Variants in RNASEH1 observed in about 807,000 individuals in gnomAD.
RNASEH1 encodes the protein ribonuclease H type II.
A neutral mutation model predicts 34.6 loss-of-function variants in RNASEH1; 27 were observed. That is an observed-to-expected ratio of 0.78 (90% confidence interval 0.58 to 1.08). The LOEUF (loss-of-function observed/expected upper bound fraction) is 1.08, where lower values mean the gene tolerates loss of function less well. RNASEH1 is among the 50% of genes least tolerant of loss of function. RNASEH1 has a pLI of 0.00. For synonymous variants in RNASEH1, 162 were observed against 138.4 expected, an observed-to-expected ratio of 1.17 and a Z score of -1.20; for missense variants, 349 against 373.6, an observed-to-expected ratio of 0.93 and a Z score of 0.54.
At chr2:3,538,365 A>AT (rs1558440369), downstream of RNASEH1, among the ~76,000 whole-genome samples, 1 of 151,208 alleles carries the variant, frequency 6.6e-6, no homozygotes, top group African/African-American at 2.4e-5. Flanking sequence ...AAAAATATAT[A>AT]TAATATATAT....
chr2:3,547,654 A>AT (rs1192492359), intron 7 of RNASEH1, among the ~76,000 whole-genome samples: 1 of 151,728 alleles, frequency 6.6e-6, no homozygotes, highest in Non-Finnish European at 1.5e-5. Flanking sequence ...TGCCCGGCTA[A>AT]TTTTTGTATT....
In RNASEH1 at chr2:3,547,988, G is replaced by C. The variant is rs747752945; in HGVS notation, c.717C>G (p.Ile239Met). 1 of 1,613,498 alleles carries C rather than the reference G, an allele frequency of 6.2e-7. No individual in the cohort carries two copies. The highest frequency in any genetic ancestry group is 2.2e-5 in the East Asian group (1 of 44,844). ...CCAGTGCCACAAAGTCCTCTTTGTT[G>C]ATCACCTCTTTCCCTGCACTTGTCT... ...GWKTSAGKEV[I>M]NKEDFVALER... Residue 239 changes from isoleucine to methionine, a missense_variant, in exon 7 of 8, where the codon ATC becomes ATG. By Grantham distance (10) the Ile-to-Met change is conservative. Transcript: ENST00000315212.
intron 2 of RNASEH1, among the ~76,000 whole-genome samples, chr2:3,554,179 TGGC>T: frequency 6.6e-6 from 1 of 152,378 alleles, no homozygotes; most frequent in African/African-American, 2.4e-5. Context: ...CAGCAACAGC[TGGC>T]GTTTCCACTG....
In RNASEH1 at chr2:3,558,331, A is replaced by C; in HGVS notation, c.-71T>G. On this transcript the variant is annotated 5_prime_UTR_variant, in exon 1 of 8. Coordinates refer to ENST00000315212, the MANE Select transcript of RNASEH1 (RefSeq NM_002936.6). The stretch of plus-strand genomic sequence containing the variant: ...TGGGCGCGAGCCGCCGGCGCTCAAC[A>C]CCGCACTTCCGTCACCGGCGCGGGA... 6.9e-7 allele frequency: 1 copy of C among 1,442,096 alleles called. No individual in the cohort carries two copies. Among genetic ancestry groups the C allele is most frequent in the Non-Finnish European group, 9.1e-7 (1 of 1,099,100 alleles). The allele number at this position is 1,442,096 out of a possible 1,614,324, so 89.3% of individuals were successfully genotyped here.
chr2:3,552,612 C>T (rs1229079916), intron 2 of RNASEH1, among the ~76,000 whole-genome samples: 1 of 134,616 alleles, frequency 7.4e-6, no homozygotes, highest in Non-Finnish European at 1.6e-5. Flanking sequence ...CTCCACACCA[C>T]CTCCACCCCC....
chr2:3,554,267 G>C (rs970764182), intron 2 of RNASEH1, among the ~76,000 whole-genome samples: 1 of 152,092 alleles, frequency 6.6e-6, no homozygotes, highest in Non-Finnish European at 1.5e-5. Flanking sequence ...CAGATACTGT[G>C]GTCCAGGTTA....
At chr2:3,549,686 T>C (rs1265542813) in intron 4 of RNASEH1, among the ~76,000 whole-genome samples, 1 of 150,708 alleles carries the variant, frequency 6.6e-6, no homozygotes, top group African/African-American at 2.4e-5. Flanking sequence ...TCATCTCTAC[T>C]GAAAAAAGGA....
intron 7 of RNASEH1, among the ~76,000 whole-genome samples, chr2:3,547,175 G>A (rs1335900568): frequency 6.6e-6 from 1 of 152,122 alleles, no homozygotes; most frequent in Non-Finnish European, 1.5e-5. Flanking sequence ...GTGTATGTGG[G>A]TGGGTTTGTT....
chr2:3,532,318 A>G, the RNASEH1 span: 1 of 702,250 alleles, frequency 1.4e-6, no homozygotes, highest in South Asian at 1.5e-5. Context: ...ATGCTGTGGG[A>G]ACAAGAAATA....
downstream of RNASEH1, chr2:3,536,616 A>C (rs1051846663): frequency 2.6e-5 from 4 of 152,396 alleles, no homozygotes; most frequent in Middle Eastern, 3.4e-3. Flanking sequence ...TTTGAGCCCC[A>C]TCTCTCTCCT....
chr2:3,536,196 A>G, the RNASEH1 span, among the ~76,000 whole-genome samples: 1 of 152,254 alleles, frequency 6.6e-6, no homozygotes, highest in African/African-American at 2.4e-5. Flanking sequence ...CATTGCACTC[A>G]CAGAGTAGAG....
At chr2:3,539,589 C>T (rs1668181356), downstream of RNASEH1, among the ~76,000 whole-genome samples, 3 of 152,100 alleles carry the variant, frequency 2.0e-5, no homozygotes, top group African/African-American at 7.2e-5. Context: ...ATGCAGCCGG[C>T]CCTCCCCATG....
At chr2:3,533,828 G>T in the RNASEH1 span, 1 of 152,278 alleles carries the variant, frequency 6.6e-6, no homozygotes, top group Admixed American at 6.5e-5. Flanking sequence ...ATGACGACTG[G>T]ATAAGCGAAG....
At position 3,558,303 on chromosome 2, in the gene RNASEH1, G is replaced by A. The variant is rs1353277636; in HGVS notation, c.-43C>T. 1.1e-5 allele frequency: 17 copies of A among 1,489,444 alleles called. No individual in the cohort carries two copies. Among genetic ancestry groups the A allele is most frequent in the African/African-American group, 2.9e-5 (2 of 69,016 alleles). 92.3% of individuals were successfully genotyped at this position (1,489,444 alleles called of 1,614,324 possible). A position where few individuals can be genotyped will look rare whatever the true frequency, so the allele number is the denominator to read the frequency against. On this transcript the variant is annotated 5_prime_UTR_variant, in exon 1 of 8. Transcript: ENST00000315212. ...GGGAAGCATTTCGACTCCCGGCCCA[G>A]CGTGGGCGCGAGCCGCCGGCGCTCA...
rs914670159 is a variant in RNASEH1, at chr2:3,556,093, G to T, written c.244+696C>A. Among the ~76,000 whole-genome samples the T allele has an allele frequency of 2.6e-5, 4 of 152,094 alleles. No homozygotes were observed. In the South Asian group the frequency reaches 6.2e-4, roughly 24 times the overall value. On this transcript the variant is annotated intron_variant, in intron 2 of 7. Coordinates refer to ENST00000315212, the MANE Select transcript of RNASEH1 (RefSeq NM_002936.6). ...GGAAGCTGAAGCAGGAGAATCGCTT[G>T]AACGCAGGAGGCAGAGACTGCAGTG... is the stretch of plus-strand genomic sequence containing the variant.
chr2:3,554,299 T>A (rs1419853501), intron 2 of RNASEH1, among the ~76,000 whole-genome samples: 3 of 152,182 alleles, frequency 2.0e-5, no homozygotes, highest in Non-Finnish European at 2.9e-5. Context: ...TGTAGAACCT[T>A]AACACGGATA....
intron 4 of RNASEH1, 55 bp from the exon 5 acceptor site, chr2:3,549,167 ATTC>A (rs1365865873): frequency 1.0e-5 from 13 of 1,257,038 alleles, no homozygotes; most frequent in African/African-American, 7.4e-5. Flanking sequence ...TCTCAAAGTG[ATTC>A]TTCTTAATGG....
the RNASEH1 span, chr2:3,533,355 C>T: frequency 6.6e-6 from 1 of 152,318 alleles, no homozygotes; most frequent in Non-Finnish European, 1.5e-5. Flanking sequence ...CGGCCCCTGA[C>T]CTGCAGCACT....
intron 3 of RNASEH1, 120 bp downstream of exon 3, chr2:3,552,024 A>C (rs1284815997): frequency 1.4e-6 from 1 of 734,492 alleles, no homozygotes; most frequent in Non-Finnish European, 2.2e-6. Context: ...TAATCTTTAC[A>C]CATAAGAATG....
Sources: gnomAD v4.1 joint callset for allele counts (sites outside exome capture counted in the v4.1 genomes callset) on GRCh38, gnomAD v4.1.1 for gene constraint, MANE v1.5 for transcripts, NCBI Gene and HGNC (gene_info 2026-07-23, HGNC 2026-07-21) for gene names.